SATB2: variants seen among roughly 807,000 people sequenced by gnomAD.
The protein encoded by SATB2 is SATB homeobox 2.
A neutral mutation model predicts 73.4 loss-of-function variants in SATB2; 1 was observed. The ratio of observed to expected loss-of-function variants is 0.01; its 90% CI spans 0.00 to 0.06. The LOEUF is 0.06. SATB2 is among the 10% of genes least tolerant of loss of function. SATB2 has a pLI of 1.00. For synonymous variants in SATB2, 397 were observed against 367.0 expected (o/e 1.08, Z -0.93); for missense variants, 459 against 945.8 (o/e 0.49, Z 6.75).
intron 10 of SATB2, among the ~76,000 whole-genome samples, chr2:199,288,878 A>C (rs1574474300): frequency 6.6e-6 from 1 of 152,218 alleles, no homozygotes; most frequent in Non-Finnish European, 1.5e-5. Context: ...TTTCGCCTCA[A>C]ACCATGAGGC....
At chr2:199,468,016 C>A (rs569831507), upstream of SATB2, 3 of 152,206 alleles carry the variant, frequency 2.0e-5, no homozygotes, top group Admixed American at 2.0e-4. Flanking sequence ...CCACCCTCCA[C>A]GCCCCACTCT....
intron 3 of SATB2, among the ~76,000 whole-genome samples, chr2:199,404,204 G>C (rs569895725): frequency 5.9e-5 from 9 of 152,300 alleles, no homozygotes; most frequent in African/African-American, 2.2e-4. Context: ...GTCAAGAAAA[G>C]AGGCAAGGCC....
At chr2:199,328,485 G>A (rs765200892) in intron 8 of SATB2, among the ~76,000 whole-genome samples, 15 of 151,962 alleles carry the variant, frequency 9.9e-5, no homozygotes, top group Non-Finnish European at 1.8e-4. Context: ...AGGCTGCAGT[G>A]AGCCGAGATC....
chr2:199,273,568 A>AT (rs948184679), intron 10 of SATB2, among the ~76,000 whole-genome samples: 9 of 152,156 alleles, frequency 5.9e-5, no homozygotes, highest in African/African-American at 1.7e-4. Flanking sequence ...TTTTAAATGT[A>AT]TTTTTTAGAA....
At chr2:199,316,202 C>A (rs1687731530) in intron 9 of SATB2, among the ~76,000 whole-genome samples, 1 of 152,016 alleles carries the variant, frequency 6.6e-6, no homozygotes, top group Non-Finnish European at 1.5e-5. Flanking sequence ...GTGAAATGAG[C>A]CAGATAATAT....
intron 9 of SATB2, among the ~76,000 whole-genome samples, chr2:199,319,116 G>C (rs1574501106): frequency 6.6e-6 from 1 of 152,104 alleles, no homozygotes; most frequent in South Asian, 2.1e-4. Flanking sequence ...CACCATGTAG[G>C]TCATAGTTTC....
At chr2:199,331,565 T>C (rs1213907092) in intron 7 of SATB2, among the ~76,000 whole-genome samples, 1 of 152,188 alleles carries the variant, frequency 6.6e-6, no homozygotes. Flanking sequence ...CAGATTCTTT[T>C]CACCTCAGAC....
chr2:199,464,074 T>C lies in SATB2; in HGVS notation c.-141+762A>G, dbSNP rs1692540904. 6.6e-6 allele frequency among the ~76,000 whole-genome samples: 1 copy of C among 152,034 alleles called. No homozygotes were observed. ...CAGTGTATCCGGCGGCCCAAACTCG[T>C]AAGGAGTGGGGGCCAACTTAGAGGG... On this transcript the variant is annotated intron_variant, in intron 1 of 11. Transcript: ENST00000260926. The surrounding 1 kb of genome is among the most constrained non-coding windows in gnomAD (Gnocchi z 6.6).
chr2:199,273,661 T>C (rs983740803), intron 10 of SATB2, among the ~76,000 whole-genome samples: 2 of 152,238 alleles, frequency 1.3e-5, no homozygotes, highest in South Asian at 2.1e-4. Flanking sequence ...TTAACATAGA[T>C]AGACCTTCTC....
At position 199,431,697 on chromosome 2, in the gene SATB2, C is replaced by A. The variant is rs751688101; in HGVS notation, c.346+1641G>T. ...AAAGGAATAGTGTGGCTCCCTAGTG[C>A]AAATTTCCTGAGAGCCCCTTCCCTC... On this transcript the variant is annotated intron_variant, in intron 3 of 10. Coordinates refer to ENST00000417098, the MANE Select transcript of SATB2 (RefSeq NM_001172509.2). 2.6e-4 allele frequency among the ~76,000 whole-genome samples: 39 copies of A among 152,138 alleles called. 1 individual carries two copies. Among genetic ancestry groups the A allele is most frequent in the Non-Finnish European group, 4.6e-4 (31 of 68,024 alleles).
chr2:199,312,946 A>G (rs1451759690), intron 9 of SATB2, among the ~76,000 whole-genome samples: 1 of 152,218 alleles, frequency 6.6e-6, no homozygotes, highest in East Asian at 1.9e-4. Context: ...GAAAAGACTT[A>G]AGAACCGTCA....
chr2:199,275,525 T>C (rs1322656320), intron 10 of SATB2, among the ~76,000 whole-genome samples: 1 of 152,088 alleles, frequency 6.6e-6, no homozygotes, highest in Non-Finnish European at 1.5e-5. Context: ...CATCTCCTCT[T>C]AATTCCAATT....
At chr2:199,296,666 T>C (rs1394891191) in intron 10 of SATB2, among the ~76,000 whole-genome samples, 1 of 151,962 alleles carries the variant, frequency 6.6e-6, no homozygotes, top group Non-Finnish European at 1.5e-5. Context: ...GCCACTTCAC[T>C]CCAGCCTGAG....
intron 3 of SATB2, among the ~76,000 whole-genome samples, chr2:199,410,518 T>C (rs1690780688): frequency 6.6e-6 from 1 of 152,240 alleles, no homozygotes; most frequent in Non-Finnish European, 1.5e-5. Context: ...TCCAGTATCA[T>C]CTGCAAACCT....
rs188683171 is a variant in SATB2, at chr2:199,366,773, T to C, written c.700+1832A>G. Among the ~76,000 whole-genome samples, 117 of 151,686 alleles carry C rather than the reference T, an allele frequency of 7.7e-4. No homozygotes were observed. The Middle Eastern group carries it at 0.014, about 18-fold the overall frequency. On this transcript the variant is annotated intron_variant, in intron 6 of 10. Coordinates refer to ENST00000417098, the MANE Select transcript of SATB2 (RefSeq NM_001172509.2). The stretch of plus-strand genomic sequence containing the variant: ...ATGAAATCAAGGTCTCAGTCTGCTT[T>C]TACAGCACTTAAAGATTTAATTGTG...
chr2:199,416,911 C>T (rs1691005307), intron 3 of SATB2, among the ~76,000 whole-genome samples: 2 of 151,986 alleles, frequency 1.3e-5, no homozygotes, highest in Admixed American at 1.3e-4. Flanking sequence ...TGGCAGGTGC[C>T]TGTGGTCCCA....
intron 10 of SATB2, among the ~76,000 whole-genome samples, chr2:199,298,483 T>A (rs1236132107): frequency 6.6e-6 from 1 of 152,194 alleles, no homozygotes; most frequent in Non-Finnish European, 1.5e-5. Context: ...AAATTATATT[T>A]CCATTTGGAC....
intron 2 of SATB2, among the ~76,000 whole-genome samples, chr2:199,442,496 A>G (rs1253766022): frequency 6.6e-6 from 1 of 152,234 alleles, no homozygotes; most frequent in Non-Finnish European, 1.5e-5. Context: ...CTGCACTGAA[A>G]GACTACAGTA....
At chr2:199,273,212 G>C (rs1290796296) in intron 10 of SATB2, among the ~76,000 whole-genome samples, 1 of 152,190 alleles carries the variant, frequency 6.6e-6, no homozygotes, top group African/African-American at 2.4e-5. Flanking sequence ...AAAAAACAGT[G>C]CTTGTCTTAA....
Sources: gnomAD v4.1 joint callset for allele counts (sites outside exome capture counted in the v4.1 genomes callset) on GRCh38, gnomAD v4.1.1 for gene constraint, Gnocchi (gnomAD v3.1) non-coding constraint, MANE v1.5 for transcripts, NCBI Gene and HGNC (gene_info 2026-07-23, HGNC 2026-07-21) for gene names.